F2R: variants seen among roughly 807,000 people sequenced by gnomAD.
F2R encodes proteinase-activated receptor 1.
F2R carries 12 observed loss-of-function variants against 18.3 expected under a neutral mutation model. The observed-to-expected ratio is 0.66, with a 90% CI of 0.42 to 1.06. F2R has a LOEUF of 1.06. F2R is among the 50% of genes least tolerant of loss of function. The pLI is 0.00. For synonymous variants in F2R, 210 were observed against 219.9 expected (o/e 0.95, Z 0.40); for missense variants, 438 against 530.8 (o/e 0.83, Z 1.72).
chr5:76,717,779 A>G (rs1447143881), intron 1 of F2R, among the ~76,000 whole-genome samples: 1 of 152,214 alleles, frequency 6.6e-6, no homozygotes, highest in African/African-American at 2.4e-5. Flanking sequence ...GATTTGGATC[A>G]TGGGGTGGAG....
rs908850501 is a variant in F2R, at chr5:76,719,365, G to C, written c.88+2970G>C. Among the ~76,000 whole-genome samples, 19 of 152,160 alleles carry C rather than the reference G, an allele frequency of 1.2e-4. 1 individual carries two copies. Among genetic ancestry groups the C allele is most frequent in the African/African-American group, 4.3e-4 (18 of 41,426 alleles). On this transcript the variant is annotated intron_variant, in intron 1 of 1. Transcript: ENST00000319211. ...AGCACTTTGGGAGGCCAAAGCAGGG[G>C]GATCACTTGAGGCCAGGAGTTTGAG...
intron 1 of F2R, among the ~76,000 whole-genome samples, chr5:76,730,208 A>G (rs1044186508): frequency 6.6e-6 from 1 of 152,182 alleles, no homozygotes; most frequent in Non-Finnish European, 1.5e-5. Context: ...CAGTTCTTTT[A>G]TCTTTAGCAG....
At position 76,716,382 on chromosome 5, in the gene F2R, G is replaced by C. The variant is rs1748343549; in HGVS notation, c.75G>C (p.Arg25=). 2.8e-6 allele frequency: 4 copies of C among 1,451,668 alleles called. No individual in the cohort carries two copies. Among genetic ancestry groups the C allele is most frequent in the Non-Finnish European group, 3.6e-6 (4 of 1,106,066 alleles). 89.9% of individuals were successfully genotyped at this position (1,451,668 alleles called of 1,614,324 possible). Residue 25 remains arginine, a synonymous_variant, in exon 1 of 2, where the codon CGG becomes CGC. Coordinates refer to ENST00000319211, the MANE Select transcript of F2R (RefSeq NM_001992.5). The part of the protein sequence containing the change: ...LCGPLLSART[R]ARRPESKATN... ...GCCCGCTGTTGTCTGCCCGCACCCG[G>C]GCCCGCAGGCCAGGTGAGAGATGCA...
At chr5:76,718,997 C>T (rs1220302804) in intron 1 of F2R, among the ~76,000 whole-genome samples, 5 of 152,132 alleles carry the variant, frequency 3.3e-5, no homozygotes, top group Non-Finnish European at 7.4e-5. Context: ...ACTCACCCTC[C>T]AGTTCACCCA....
At chr5:76,728,096 A>C (rs944347413) in intron 1 of F2R, among the ~76,000 whole-genome samples, 1 of 152,214 alleles carries the variant, frequency 6.6e-6, no homozygotes, top group Middle Eastern at 3.4e-3. Context: ...ATATATTTAT[A>C]GTGTATAACA....
At chr5:76,718,377 A>C (rs1748382515) in intron 1 of F2R, among the ~76,000 whole-genome samples, 1 of 152,218 alleles carries the variant, frequency 6.6e-6, no homozygotes, top group South Asian at 2.1e-4. Flanking sequence ...TGTCTGTCAT[A>C]AGGTAGTGGT....
At chr5:76,725,780 C>A (rs1322542445) in intron 1 of F2R, among the ~76,000 whole-genome samples, 1 of 152,150 alleles carries the variant, frequency 6.6e-6, no homozygotes, top group East Asian at 1.9e-4. Context: ...TTCATGTTTC[C>A]ACAAGTATAA....
intron 1 of F2R, among the ~76,000 whole-genome samples, chr5:76,726,627 G>A (rs967793343): frequency 1.3e-5 from 2 of 152,088 alleles, no homozygotes; most frequent in African/African-American, 4.8e-5. Context: ...CTTGAACTGG[G>A]GAGGCAGAGG....
chr5:76,721,543 T>C (rs1580889557), intron 1 of F2R, among the ~76,000 whole-genome samples: 1 of 152,254 alleles, frequency 6.6e-6, no homozygotes, highest in East Asian at 1.9e-4. Context: ...TGAAAACACA[T>C]TTATATAACT....
intron 1 of F2R, among the ~76,000 whole-genome samples, chr5:76,728,402 A>G (rs253073): frequency 0.34 from 52,194 of 151,962 alleles, 10,417 homozygotes; most frequent in East Asian, 0.55. Context: ...TGCTTCCATG[A>G]GTTCAACTGT....
At chr5:76,718,316 C>T (rs2150579594) in intron 1 of F2R, among the ~76,000 whole-genome samples, 1 of 152,284 alleles carries the variant, frequency 6.6e-6, no homozygotes, top group South Asian at 2.1e-4. Context: ...TAAAATCAAC[C>T]CAAGATAGGT....
chr5:76,716,596 T>C (rs1015135375), intron 1 of F2R: 5 of 707,208 alleles, frequency 7.1e-6, no homozygotes, highest in African/African-American at 1.8e-5. Flanking sequence ...CGATGCCCCT[T>C]TGGACTCGAT....
Position 76,733,523 on chromosome 5 carries a change from G to C in F2R, c.*20G>C. The C allele has an allele frequency of 1.9e-6, 3 of 1,564,828 alleles. No homozygotes were observed. The highest frequency in any genetic ancestry group is 2.6e-6 in the Non-Finnish European group (3 of 1,157,914). ...ACTTAGGAAAAGGGACTGCTGGGAG[G>C]TTAAAAAGAAAAGTTTATAAAAGTG... On this transcript the variant is annotated 3_prime_UTR_variant, in exon 2 of 2. Transcript: ENST00000319211.
intron 1 of F2R, among the ~76,000 whole-genome samples, chr5:76,718,266 A>G (rs1748381441): frequency 6.6e-6 from 1 of 152,212 alleles, no homozygotes; most frequent in African/African-American, 2.4e-5. Flanking sequence ...GCAATTAGGA[A>G]TAAGTGGGGC....
chr5:76,728,824 G>T (rs1174468590), intron 1 of F2R, among the ~76,000 whole-genome samples: 1 of 151,814 alleles, frequency 6.6e-6, no homozygotes, highest in Admixed American at 6.6e-5. Context: ...CCGAGGAGCT[G>T]GGATTATAGG....
Position 76,735,369 on chromosome 5 carries a change from G to A in F2R, c.*1866G>A, listed in dbSNP as rs548010162. 6.6e-6 allele frequency: 1 copy of A among 152,404 alleles called. No homozygotes were observed. Among genetic ancestry groups the A allele is most frequent in the East Asian group, 1.9e-4 (1 of 5,184 alleles). 9.4% of individuals were successfully genotyped at this position (152,404 alleles called of 1,614,324 possible). ...GGCACCTGTAGTCCCAGCTACTCGG[G>A]AGGCTGAGGCAGGAGACTGGCGTGA... is the stretch of plus-strand genomic sequence containing the variant. On this transcript the variant is annotated 3_prime_UTR_variant, in exon 2 of 2. Transcript: ENST00000319211.
In F2R at chr5:76,734,287, G is replaced by T. The variant is rs758108065; in HGVS notation, c.*784G>T. 1 of 152,290 alleles carries T rather than the reference G, an allele frequency of 6.6e-6. No homozygotes were observed. The highest frequency in any genetic ancestry group is 1.5e-5 in the Non-Finnish European group (1 of 68,050). The allele number at this position is 152,290 out of a possible 1,614,324, so 9.4% of individuals were successfully genotyped here. A position where few individuals can be genotyped will look rare whatever the true frequency, so the allele number is the denominator to read the frequency against. On this transcript the variant is annotated 3_prime_UTR_variant, in exon 2 of 2. Coordinates refer to ENST00000319211, the MANE Select transcript of F2R (RefSeq NM_001992.5). The stretch of plus-strand genomic sequence containing the variant: ...CTATTCCTGAGAGCTGCATGTGTCC[G>T]CCCCCGATGGAGGACTCCAGGCAGC...
At chr5:76,726,422 T>C (rs1333294019) in intron 1 of F2R, among the ~76,000 whole-genome samples, 1 of 151,810 alleles carries the variant, frequency 6.6e-6, no homozygotes, top group Non-Finnish European at 1.5e-5. Context: ...TCCCAGCTAC[T>C]AGGGAGGCTG....
intron 1 of F2R, among the ~76,000 whole-genome samples, chr5:76,726,959 G>A (rs1423073098): frequency 6.6e-6 from 1 of 152,144 alleles, no homozygotes; most frequent in South Asian, 2.1e-4. Flanking sequence ...TACATGCATT[G>A]CAAAGGTAAG....
Sources: allele counts gnomAD v4.1 joint callset (sites outside exome capture counted in the v4.1 genomes callset), GRCh38; gene constraint gnomAD v4.1.1; transcripts MANE v1.5; gene names NCBI Gene and HGNC (gene_info 2026-07-23, HGNC 2026-07-21).